MFN2: variants seen among roughly 807,000 people sequenced by gnomAD.
The protein encoded by MFN2 is mitofusin-2.
In MFN2, 43 loss-of-function variants were observed where a neutral mutation model predicts 87.5. The ratio of observed to expected loss-of-function variants is 0.49; its 90% CI spans 0.38 to 0.63. The LOEUF (loss-of-function observed/expected upper bound fraction) is 0.63. MFN2 is among the 30% of genes least tolerant of loss of function. The pLI, the probability that MFN2 is intolerant of heterozygous loss-of-function variation, is 0.00. For missense variants in MFN2, 743 were observed against 972.8 expected (o/e 0.76, Z 3.14); for synonymous variants, 337 against 359.9 (o/e 0.94, Z 0.72).
intron 8 of MFN2, among the ~76,000 whole-genome samples, chr1:12,001,026 A>G (rs370288607): frequency 6.6e-6 from 1 of 152,000 alleles, no homozygotes; most frequent in Non-Finnish European, 1.5e-5. Flanking sequence ...TATATTGCCT[A>G]TTCTTTTTTT....
At chr1:11,997,879 C>CTTTTTTTTTTTT (rs768355266) in intron 6 of MFN2, among the ~76,000 whole-genome samples, 1 of 95,836 alleles carries the variant, frequency 1.0e-5, no homozygotes, top group Non-Finnish European at 1.9e-5. Context: ...TGTATATCAT[C>CTTTTTTTTTTTT]TTTTTTTTTT....
chr1:11,992,563 A>G lies in MFN2; in HGVS notation c.184A>G (p.Arg62Gly), dbSNP rs773916548. 1 of 1,614,188 alleles carries G rather than the reference A, an allele frequency of 6.2e-7. No homozygotes were observed. Among genetic ancestry groups the G allele is most frequent in the East Asian group, 2.2e-5 (1 of 44,882 alleles). ...TCAATCCCCACCTCCAGACACGTAC[A>G]GGAATGCAGAACTGGACCCCGTTAC... The part of the protein sequence containing the change: ...ESATFLEDTY[R>G]NAELDPVTTE... The change falls in exon 4 of 19, where the codon AGG becomes GGG. Residue 62 changes from arginine (R) to glycine (G), a missense_variant. This residue lies in a region of MFN2 where 141 missense variants were observed against 278.9 expected (regional missense o/e 0.51). Transcript: ENST00000235329.
At chr1:12,008,328 G>A (rs185661317) in intron 17 of MFN2, among the ~76,000 whole-genome samples, 2,060 of 151,748 alleles carry the variant, frequency 0.014, 48 homozygotes, top group African/African-American at 0.047. Flanking sequence ...GGGGTGGTTG[G>A]GCAGAGGCGC....
At chr1:11,990,126 C>T (rs1170086576) in intron 3 of MFN2, among the ~76,000 whole-genome samples, 1 of 152,184 alleles carries the variant, frequency 6.6e-6, no homozygotes, top group Non-Finnish European at 1.5e-5. Context: ...AGTGGTGGTG[C>T]TTCGGGGGTT....
At chr1:11,991,953 G>A (rs867756726) in intron 3 of MFN2, among the ~76,000 whole-genome samples, 2,754 of 51,594 alleles carry the variant, frequency 0.053, no homozygotes, top group Non-Finnish European at 0.073. Context: ...AAAAAAAAAA[G>A]AAGTGACATA....
intron 15 of MFN2, 55 bp downstream of exon 15, chr1:12,005,986 C>A: frequency 4.5e-6 from 7 of 1,543,590 alleles, no homozygotes; most frequent in Non-Finnish European, 6.3e-6. Flanking sequence ...TGTACCCTGC[C>A]TCCAGACACG....
intron 9 of MFN2, 75 bp downstream of exon 9, chr1:12,001,629 T>C: frequency 6.2e-7 from 1 of 1,606,158 alleles, no homozygotes; most frequent in Non-Finnish European, 8.5e-7. Context: ...AGTCTGTCAG[T>C]AGAAAATCCT....
chr1:11,986,883 G>C (rs1392314404), intron 2 of MFN2, among the ~76,000 whole-genome samples: 1 of 151,852 alleles, frequency 6.6e-6, no homozygotes, highest in African/African-American at 2.4e-5. Flanking sequence ...AGCCTCTTTT[G>C]ACCTTTGACC....
intron 17 of MFN2, among the ~76,000 whole-genome samples, chr1:12,007,577 A>G (rs1046757005): frequency 7.9e-5 from 12 of 152,094 alleles, no homozygotes; most frequent in East Asian, 5.8e-4. Context: ...AAGTTTTTGA[A>G]CCCAGCCTGA....
At chr1:11,998,916 C>A (rs751972639) in intron 7 of MFN2, 38 bp downstream of exon 7, 11 of 1,611,348 alleles carry the variant, frequency 6.8e-6, no homozygotes, top group Non-Finnish European at 7.6e-6. Context: ...CTCCCAGCAC[C>A]CCCTGGGCAG....
Position 12,013,225 on chromosome 1 carries a change from A to AT in MFN2, c.*1668dup, listed in dbSNP as rs1350317529. 1.4e-5 allele frequency: 5 copies of AT among 352,030 alleles called. No homozygotes were observed. Among genetic ancestry groups the AT allele is most frequent in the South Asian group, 2.1e-5 (1 of 48,326 alleles). The allele number at this position is 352,030 out of a possible 1,614,324, so 21.8% of individuals were successfully genotyped here. ...AAAAAATTCTTTAGCGTAAACATGA[A>AT]TTTTTTTTCAATGTAGCCCCTGGGG... On this transcript the variant is annotated 3_prime_UTR_variant, in exon 19 of 19. Transcript: ENST00000235329.
At chr1:11,987,148 A>G (rs1032791875) in intron 2 of MFN2, among the ~76,000 whole-genome samples, 2 of 150,768 alleles carry the variant, frequency 1.3e-5, no homozygotes, top group Non-Finnish European at 3.0e-5. Flanking sequence ...TGTCTACGAA[A>G]AATAAAAAAA....
At position 12,013,358 on chromosome 1, in the gene MFN2, CATT is replaced by C. The variant is rs540280019; in HGVS notation, c.*1794_*1796del. On this transcript the variant is annotated 3_prime_UTR_variant, in exon 19 of 19. Transcript: ENST00000235329. ...GCCAAAAGCACTTTAATGCTGCTGA[CATT>C]GTTGTTTTTATGTTCATTTGCTGGA... 68 of 471,422 alleles carry C rather than the reference CATT, an allele frequency of 1.4e-4. No individual in the cohort carries two copies. Among genetic ancestry groups the C allele is most frequent in the South Asian group, 2.5e-4 (16 of 64,500 alleles). The allele number at this position is 471,422 out of a possible 1,614,324, so 29.2% of individuals were successfully genotyped here.
intron 3 of MFN2, 88 bp from the exon 4 acceptor site, chr1:11,992,467 A>G: frequency 6.5e-7 from 1 of 1,547,388 alleles, no homozygotes; most frequent in Non-Finnish European, 8.9e-7. Context: ...GTTTAGGGTA[A>G]GCAGGGCCGG....
chr1:12,009,951 T>A (rs1004665511), intron 18 of MFN2, among the ~76,000 whole-genome samples: 1 of 152,152 alleles, frequency 6.6e-6, no homozygotes, highest in South Asian at 2.1e-4. Context: ...GTCAGGAGTT[T>A]GAGACTAGCC....
At chr1:12,010,681 A>C (rs1250536934) in intron 18 of MFN2, among the ~76,000 whole-genome samples, 2 of 151,990 alleles carry the variant, frequency 1.3e-5, no homozygotes, top group Non-Finnish European at 2.9e-5. Flanking sequence ...CTCTCCAGCC[A>C]CTCATGTTTG....
At chr1:12,001,746 C>G in intron 9 of MFN2, 23 bp from the exon 10 acceptor site, 2 of 1,613,788 alleles carry the variant, frequency 1.2e-6, no homozygotes, top group Non-Finnish European at 1.7e-6. Context: ...TGTTTCTGGA[C>G]TAATGCAGTA....
chr1:12,009,464 C>T, intron 17 of MFN2, 128 bp from the exon 18 acceptor site: 1 of 1,357,554 alleles, frequency 7.4e-7, no homozygotes, highest in African/African-American at 1.4e-5. Flanking sequence ...CAAACCAGGC[C>T]TGGCTCAGGG....
rs780836559 is a variant in MFN2, at chr1:12,007,208, C to T, written c.2028C>T (p.Val676=). 1.9e-6 allele frequency: 3 copies of T among 1,614,150 alleles called. No homozygotes were observed. The highest frequency in any genetic ancestry group is 2.5e-6 in the Non-Finnish European group (3 of 1,180,036). ...ATGCCAGCGAGAAGCTGCAGCTTGT[C>T]ATCAGCTACACTGGCTCCAACTGCA... The part of the protein sequence containing the change: ...VEHASEKLQL[V]ISYTGSNCSH... Residue 676 remains valine (V), a synonymous_variant, in exon 17 of 19, where the codon GTC becomes GTT. Coordinates refer to ENST00000235329, the MANE Select transcript of MFN2 (RefSeq NM_014874.4).
Sources: gnomAD v4.1 joint callset for allele counts (sites outside exome capture counted in the v4.1 genomes callset) on GRCh38, gnomAD v4.1.1 for gene constraint, gnomAD v4.1.1 regional missense constraint, MANE v1.5 for transcripts, NCBI Gene and HGNC (gene_info 2026-07-23, HGNC 2026-07-21) for gene names.